Variants in ANKS1B observed in about 807,000 individuals in gnomAD.
The protein encoded by ANKS1B is ankyrin repeat and sterile alpha motif domain-containing protein 1B.
A neutral mutation model predicts 148.3 loss-of-function variants in ANKS1B; 36 were observed. The ratio of observed to expected loss-of-function variants is 0.24; its 90% confidence interval spans 0.19 to 0.32. ANKS1B has a LOEUF of 0.32. Among genes scored for constraint, ANKS1B ranks in the 10% least tolerant of loss-of-function variants. The pLI is 1.00. For missense variants in ANKS1B, 1,157 were observed against 1,542.6 expected (o/e 0.75, Z 4.19); for synonymous variants, 542 against 560.8 (o/e 0.97, Z 0.47).
At chr12:99,225,435 G>A (rs1179336848) in intron 14 of ANKS1B, among the ~76,000 whole-genome samples, 2 of 152,082 alleles carry the variant, frequency 1.3e-5, no homozygotes, top group Non-Finnish European at 2.9e-5. Flanking sequence ...TGTTAATACT[G>A]AATGTCAATT....
At chr12:99,724,549 C>G (rs2058428107) in intron 8 of ANKS1B, among the ~76,000 whole-genome samples, 1 of 152,060 alleles carries the variant, frequency 6.6e-6, no homozygotes, top group Non-Finnish European at 1.5e-5. Flanking sequence ...CTGAAACAGA[C>G]AGAGAAAATT....
At chr12:99,956,431 A>G (rs1229180387) in intron 1 of ANKS1B, among the ~76,000 whole-genome samples, 1 of 152,128 alleles carries the variant, frequency 6.6e-6, no homozygotes, top group East Asian at 1.9e-4. Context: ...ATTCTACTAC[A>G]TCTCCTTTCT....
intron 17 of ANKS1B, among the ~76,000 whole-genome samples, chr12:99,043,482 C>G (rs994987307): frequency 6.6e-6 from 1 of 152,214 alleles, no homozygotes; most frequent in Admixed American, 6.5e-5. Flanking sequence ...GGTTCAGTAA[C>G]TTGCCCTGGA....
At chr12:99,469,008 C>T (rs2096188413) in intron 10 of ANKS1B, among the ~76,000 whole-genome samples, 3 of 152,022 alleles carry the variant, frequency 2.0e-5, no homozygotes, top group South Asian at 4.1e-4. Flanking sequence ...TATTGCAGCA[C>T]TATTCACAAT....
In ANKS1B at chr12:99,971,911, T is replaced by G. The variant is rs543336153; in HGVS notation, c.134+12193A>C. Among the ~76,000 whole-genome samples, 75 of 152,374 alleles carry G rather than the reference T, an allele frequency of 4.9e-4. No individual in the cohort carries two copies. The South Asian group carries it at 0.015, about 31-fold the overall frequency. ...CACACTTCATAGATACTGTACTTTT[T>G]TAAAAATTGAAGATTTATAGGAACC... On this transcript the variant is annotated intron_variant, in intron 1 of 26. Coordinates refer to ENST00000683438, the MANE Select transcript of ANKS1B (RefSeq NM_001352186.2).
intron 9 of ANKS1B, among the ~76,000 whole-genome samples, chr12:99,572,570 T>A (rs905760655): frequency 6.6e-6 from 1 of 152,100 alleles, no homozygotes; most frequent in Non-Finnish European, 1.5e-5. Flanking sequence ...AATTCAGTTT[T>A]AAACACAGTG....
At chr12:99,281,508 G>T (rs1436351719) in intron 12 of ANKS1B, among the ~76,000 whole-genome samples, 1 of 152,166 alleles carries the variant, frequency 6.6e-6, no homozygotes, top group Non-Finnish European at 1.5e-5. Context: ...GCAATGTTCA[G>T]ATCTGACTCA....
chr12:98,751,682 C>T lies in ANKS1B; in HGVS notation c.3580-160G>A, dbSNP rs149038689. On this transcript the variant is annotated intron_variant, in intron 25 of 26. Transcript: ENST00000683438. This position sits in a 1 kb window ranked among gnomAD's most constrained non-coding sequence, Gnocchi z 4.3. ...GAAATCTACAAAGAACAGGACACTC[C>T]GGGTCCAACTTAGGGTTTACACCAG... 1.1e-4 allele frequency among the ~76,000 whole-genome samples: 16 copies of T among 152,212 alleles called. No homozygotes were observed. Among genetic ancestry groups the T allele is most frequent in the African/African-American group, 2.4e-4 (10 of 41,498 alleles).
At chr12:99,444,709 C>T (rs1018145429) in intron 10 of ANKS1B, among the ~76,000 whole-genome samples, 11 of 151,388 alleles carry the variant, frequency 7.3e-5, no homozygotes, top group African/African-American at 2.4e-4. Flanking sequence ...CTCAAATCTG[C>T]CAAAAAAATA....
At chr12:99,441,327 T>C (rs1337558347) in intron 11 of ANKS1B, among the ~76,000 whole-genome samples, 1 of 151,802 alleles carries the variant, frequency 6.6e-6, no homozygotes, top group East Asian at 1.9e-4. Flanking sequence ...TCCTGTTCTA[T>C]CCATCCATCC....
intron 12 of ANKS1B, among the ~76,000 whole-genome samples, chr12:99,364,897 AGAC>A (rs1746323946): frequency 6.6e-6 from 1 of 152,174 alleles, no homozygotes; most frequent in Non-Finnish European, 1.5e-5. Context: ...GTGAGAGAAG[AGAC>A]TTTCTATTTC....
chr12:99,152,697 A>G (rs2075259823), intron 15 of ANKS1B, among the ~76,000 whole-genome samples: 1 of 152,086 alleles, frequency 6.6e-6, no homozygotes, highest in Admixed American at 6.5e-5. Context: ...CTAACTTCTC[A>G]TGGGACCAGA....
intron 14 of ANKS1B, among the ~76,000 whole-genome samples, chr12:99,214,427 G>C (rs1405116546): frequency 2.6e-5 from 4 of 152,084 alleles, no homozygotes; most frequent in Non-Finnish European, 4.4e-5. Flanking sequence ...GAATCATGGG[G>C]GCAGTTTTTC....
In ANKS1B at chr12:98,905,171, C is replaced by T. The variant is rs562259313; in HGVS notation, c.2779-73035G>A. Among the ~76,000 whole-genome samples, 25 of 152,284 alleles carry T rather than the reference C, an allele frequency of 1.6e-4. No individual in the cohort carries two copies. The South Asian group carries it at 4.8e-3, about 29-fold the overall frequency. On this transcript the variant is annotated intron_variant, in intron 17 of 26. Coordinates refer to ENST00000683438, the MANE Select transcript of ANKS1B (RefSeq NM_001352186.2). Reference sequence around the variant, plus strand: ...CATTGACTAGCTCAAGGCCACACAGCTAGTAAGTAGAACCATAGCTGGAAC... The same window carrying T: ...CATTGACTAGCTCAAGGCCACACAGTTAGTAAGTAGAACCATAGCTGGAAC...
intron 14 of ANKS1B, among the ~76,000 whole-genome samples, chr12:99,166,248 T>C (rs2077176394): frequency 6.6e-6 from 1 of 151,526 alleles, no homozygotes; most frequent in Non-Finnish European, 1.5e-5. Context: ...TACCCAACAT[T>C]GTACTGGAGG....
intron 17 of ANKS1B, among the ~76,000 whole-genome samples, chr12:98,863,040 G>A (rs953039849): frequency 2.6e-5 from 4 of 152,126 alleles, no homozygotes; most frequent in Non-Finnish European, 4.4e-5. Context: ...AAACCCATTC[G>A]CATCACTGGG....
At chr12:99,580,364 A>G (rs1172160165) in intron 9 of ANKS1B, among the ~76,000 whole-genome samples, 2 of 152,218 alleles carry the variant, frequency 1.3e-5, no homozygotes, top group Non-Finnish European at 2.9e-5. Flanking sequence ...GAGAAAAAAA[A>G]TTAAAAATTA....
chr12:98,740,954 T>C (rs115363390), downstream of ANKS1B, among the ~76,000 whole-genome samples: 2,458 of 152,266 alleles, frequency 0.016, 71 homozygotes, highest in African/African-American at 0.055. Flanking sequence ...AATGAGGCAA[T>C]CTTGAGGCTA....
rs572013242 is a variant in ANKS1B at position 99,356,419 on chromosome 12, G to A, written c.1756+43212C>T. Among the ~76,000 whole-genome samples the A allele has an allele frequency of 3.3e-5, 5 of 152,240 alleles. No homozygotes were observed. The South Asian group carries it at 1.0e-3, about 32-fold the overall frequency. On this transcript the variant is annotated intron_variant, in intron 12 of 26. Transcript: ENST00000683438. ...TGACCACCACGCACTGGCATTGTGC[G>A]AGCCTGATGGTGCAGTTGCTGTTTA... is the stretch of plus-strand genomic sequence containing the variant.
Sources: allele counts gnomAD v4.1 joint callset (sites outside exome capture counted in the v4.1 genomes callset), GRCh38; gene constraint gnomAD v4.1.1; non-coding constraint Gnocchi (gnomAD v3.1); transcripts MANE v1.5; gene names NCBI Gene and HGNC (gene_info 2026-07-23, HGNC 2026-07-21).